The following SLC6A2 variants were observed in gnomAD, a reference collection of about 807,000 sequenced individuals.
The protein encoded by SLC6A2 is solute carrier family 6 member 2, also known as sodium-dependent noradrenaline transporter.
In SLC6A2, 26 loss-of-function variants were observed where a neutral mutation model predicts 71.7. That is an observed-to-expected ratio of 0.36 (90% CI 0.27 to 0.50). The LOEUF (loss-of-function observed/expected upper bound fraction) is 0.50. Among genes scored for constraint, SLC6A2 ranks in the 20% least tolerant of loss-of-function variants. SLC6A2 has a pLI of 0.96. For missense variants in SLC6A2, 581 were observed against 803.9 expected (o/e 0.72, Z 3.35); for synonymous variants, 363 against 337.9 (o/e 1.07, Z -0.82).
In SLC6A2 at chr16:55,667,013, A is replaced by AT. The variant is rs57209545; in HGVS notation, c.275-2540dup. Among the ~76,000 whole-genome samples the AT allele has an allele frequency of 4.4e-3, 652 of 149,332 alleles. 6 individuals carry two copies. The highest frequency in any genetic ancestry group is 0.014 in the African/African-American group (558 of 40,584). ...CTTCTCTCTTTTTCTCTCTCTCTAA[A>AT]TTTTTTTTTTTTGAGTCAGCATCTC... On this transcript the variant is annotated intron_variant, in intron 2 of 14. Coordinates refer to ENST00000568943, the MANE Select transcript of SLC6A2 (RefSeq NM_001172501.3).
Position 55,691,965 on chromosome 16 carries a change from C to A in SLC6A2, c.831C>A (p.Leu277=). 6 of 1,614,196 alleles carry A rather than the reference C, an allele frequency of 3.7e-6. No individual in the cohort carries two copies. The highest frequency in any genetic ancestry group is 5.1e-6 in the Non-Finnish European group (6 of 1,180,042). Residue 277 remains leucine (L), a synonymous_variant, in exon 6 of 15, where the codon CTC becomes CTA. Transcript: ENST00000568943. ...TGCCTTACTTCGTGCTGTTCGTGCT[C>A]CTGGTCCATGGCGTCACGCTGCCCG... ...ATLPYFVLFV[L]LVHGVTLPGA...
chr16:55,662,012 C>T (rs2142489553), intron 2 of SLC6A2, among the ~76,000 whole-genome samples: 1 of 152,324 alleles, frequency 6.6e-6, no homozygotes, highest in South Asian at 2.1e-4. Context: ...CCAAGCCAGA[C>T]ACTGATTGTC....
At chr16:55,697,285 G>A (rs1248712583) in intron 9 of SLC6A2, among the ~76,000 whole-genome samples, 2 of 152,174 alleles carry the variant, frequency 1.3e-5, no homozygotes, top group African/African-American at 4.8e-5. Flanking sequence ...AACAGTGTCT[G>A]CCAAGAGGAG....
intron 2 of SLC6A2, among the ~76,000 whole-genome samples, chr16:55,664,751 C>T (rs28618083): frequency 0.63 from 95,197 of 152,056 alleles, 30,127 homozygotes; most frequent in Non-Finnish European, 0.66. Context: ...CACATAGCTA[C>T]ACATAGCAGG....
At chr16:55,662,413 T>C (rs949688527) in intron 2 of SLC6A2, among the ~76,000 whole-genome samples, 1 of 152,114 alleles carries the variant, frequency 6.6e-6, no homozygotes, top group Non-Finnish European at 1.5e-5. Context: ...CAAAAGAAAA[T>C]CCTTGCCTTT....
chr16:55,687,296 C>G (rs1464661117), intron 5 of SLC6A2, among the ~76,000 whole-genome samples: 2 of 49,466 alleles, frequency 4.0e-5, no homozygotes, highest in Non-Finnish European at 8.9e-5. Context: ...TTACAGCAAT[C>G]TCTAAGTTTA....
chr16:55,694,319 A>C (rs1965728026), intron 7 of SLC6A2, among the ~76,000 whole-genome samples: 1 of 152,116 alleles, frequency 6.6e-6, no homozygotes, highest in Non-Finnish European at 1.5e-5. Context: ...CCTCTTAAAC[A>C]AATGTGAGGT....
At chr16:55,663,836 T>C (rs1018367116) in intron 2 of SLC6A2, among the ~76,000 whole-genome samples, 1 of 152,178 alleles carries the variant, frequency 6.6e-6, no homozygotes, top group Non-Finnish European at 1.5e-5. Flanking sequence ...TTTTCTTTCT[T>C]GGAGCTGGCA....
intron 2 of SLC6A2, among the ~76,000 whole-genome samples, chr16:55,662,436 A>G (rs926853782): frequency 1.3e-5 from 2 of 152,194 alleles, no homozygotes; most frequent in African/African-American, 4.8e-5. Context: ...GGGGCTCATG[A>G]TATGCTGCAG....
chr16:55,701,837 G>C (rs750542746), intron 13 of SLC6A2, 26 bp from the exon 14 acceptor site: 1 of 1,598,414 alleles, frequency 6.3e-7, no homozygotes, highest in Non-Finnish European at 8.6e-7. Context: ...CCAAGCTGAG[G>C]CCTCCTCCCC....
chr16:55,680,438 C>T (rs889330345), intron 4 of SLC6A2, among the ~76,000 whole-genome samples: 3 of 152,204 alleles, frequency 2.0e-5, no homozygotes, highest in Non-Finnish European at 4.4e-5. Flanking sequence ...AGTCCCAAAG[C>T]TGAAGAACTT....
rs1292913254 is a variant in SLC6A2 at position 55,703,005 on chromosome 16, A to C, written c.*659A>C. 3 of 987,126 alleles carry C rather than the reference A, an allele frequency of 3.0e-6. No individual in the cohort carries two copies. The East Asian group carries it at 3.4e-4, about 112-fold the overall frequency. 61.1% of individuals were successfully genotyped at this position (987,126 alleles called of 1,614,324 possible). A position where few individuals can be genotyped will look rare whatever the true frequency, so the allele number is the denominator to read the frequency against. On this transcript the variant is annotated 3_prime_UTR_variant, in exon 15 of 15. Transcript: ENST00000568943. ...CTGAGTTTGATGTGTGTGTTCTGGA[A>C]CATTCCTCCAGCTTTTGGTGGTCAG...
At chr16:55,675,780 A>G (rs80070901) in intron 4 of SLC6A2, among the ~76,000 whole-genome samples, 4,458 of 78,602 alleles carry the variant, frequency 0.057, 227 homozygotes, top group African/African-American at 0.19. Flanking sequence ...AAAAGTGTGG[A>G]AAAAAAAAAC....
chr16:55,657,409 C>A (rs1964488521), intron 2 of SLC6A2, among the ~76,000 whole-genome samples: 1 of 152,132 alleles, frequency 6.6e-6, no homozygotes, highest in South Asian at 2.1e-4. Flanking sequence ...GACAACCAGG[C>A]CCACAGTGAC....
chr16:55,677,051 T>C (rs1965111839), intron 4 of SLC6A2, among the ~76,000 whole-genome samples: 1 of 152,208 alleles, frequency 6.6e-6, no homozygotes, highest in Non-Finnish European at 1.5e-5. Context: ...CCAGCCAACG[T>C]TGGAAGCCCT....
At position 55,656,100 on chromosome 16, in the gene SLC6A2, C is replaced by T. The variant is rs1438490257; in HGVS notation, c.-121C>T. 2 of 153,944 alleles carry T rather than the reference C, an allele frequency of 1.3e-5. No homozygotes were observed. The highest frequency in any genetic ancestry group is 2.9e-5 in the Non-Finnish European group (2 of 69,378). 9.5% of individuals were successfully genotyped at this position (153,944 alleles called of 1,614,324 possible). On this transcript the variant is annotated 5_prime_UTR_variant, in exon 1 of 15. Coordinates refer to ENST00000568943, the MANE Select transcript of SLC6A2 (RefSeq NM_001172501.3). The surrounding 1 kb of genome is among the most constrained non-coding windows in gnomAD (Gnocchi z 4.5). ...CCCAGCCCCAGCCCGCGCCCTAGAGCCTGCCAAGGCGCCGCCGGTCGGGGG... is the reference window on the plus strand; with the variant it reads ...CCCAGCCCCAGCCCGCGCCCTAGAGTCTGCCAAGGCGCCGCCGGTCGGGGG...
At position 55,700,153 on chromosome 16, in the gene SLC6A2, C is replaced by G; in HGVS notation, c.1605C>G (p.Val535=). The G allele has an allele frequency of 6.2e-7, 1 of 1,613,994 alleles. No individual in the cohort carries two copies. The highest frequency in any genetic ancestry group is 8.5e-7 in the Non-Finnish European group (1 of 1,179,954). ...SPAFLLFVVV[V]SIINFKPLTY... ...CCCATCTCTAGTTCGTGGTTGTGGTCAGCATCATCAACTTCAAGCCACTCA... is the reference window on the plus strand; with the variant it reads ...CCCATCTCTAGTTCGTGGTTGTGGTGAGCATCATCAACTTCAAGCCACTCA... The change falls in exon 13 of 15, where the codon GTC becomes GTG. Residue 535 remains valine (V), a synonymous_variant. Coordinates refer to ENST00000568943, the MANE Select transcript of SLC6A2 (RefSeq NM_001172501.3).
At chr16:55,662,941 G>T (rs1210123290) in intron 2 of SLC6A2, among the ~76,000 whole-genome samples, 2 of 152,180 alleles carry the variant, frequency 1.3e-5, no homozygotes, top group Non-Finnish European at 2.9e-5. Flanking sequence ...GACACCAGCT[G>T]AGTGCCTCCG....
At chr16:55,672,695 C>T (rs2142517690) in intron 4 of SLC6A2, among the ~76,000 whole-genome samples, 1 of 152,250 alleles carries the variant, frequency 6.6e-6, no homozygotes, top group African/African-American at 2.4e-5. Context: ...TCTGACTCAC[C>T]CTGGGCTGCT....
Sources: allele counts gnomAD v4.1 joint callset (sites outside exome capture counted in the v4.1 genomes callset), GRCh38; gene constraint gnomAD v4.1.1; non-coding constraint Gnocchi (gnomAD v3.1); transcripts MANE v1.5; gene names NCBI Gene and HGNC (gene_info 2026-07-23, HGNC 2026-07-21).